PCDHGA2: variants seen among roughly 807,000 people sequenced by gnomAD.
PCDHGA2 encodes the protein protocadherin gamma subfamily A, 2.
A neutral mutation model predicts 59.2 loss-of-function variants in PCDHGA2; 40 were observed. The ratio of observed to expected loss-of-function variants is 0.68; its 90% confidence interval spans 0.52 to 0.88. PCDHGA2 has a LOEUF of 0.88. PCDHGA2 is among the 40% of genes least tolerant of loss of function. PCDHGA2 has a pLI of 0.00. For synonymous variants in PCDHGA2, 560 were observed against 526.0 expected, an observed-to-expected ratio of 1.06 and a Z score of -0.89; for missense variants, 1,226 against 1,204.0, an observed-to-expected ratio of 1.02 and a Z score of -0.27.
chr5:141,389,694 T>C, intron 1 of PCDHGA2: 1 of 1,612,590 alleles, frequency 6.2e-7, no homozygotes, highest in South Asian at 1.1e-5. Flanking sequence ...CTGGCTGTCC[T>C]ACCACGTGCT....
intron 1 of PCDHGA2, among the ~76,000 whole-genome samples, chr5:141,450,166 T>TCCCACCACACC (rs1046248061): frequency 2.0e-5 from 3 of 151,062 alleles, no homozygotes; most frequent in African/African-American, 7.3e-5. Flanking sequence ...GCCACCACAC[T>TCCCACCACACC]CCCACCACAC....
At chr5:141,394,288 C>T in intron 1 of PCDHGA2, 1 of 1,613,944 alleles carries the variant, frequency 6.2e-7, no homozygotes, top group Non-Finnish European at 8.5e-7. Flanking sequence ...TACTCTGTGA[C>T]CGAGGACACG....
rs754329108 is a variant in PCDHGA2 at position 141,408,309 on chromosome 5, C to T, written c.2424+66914C>T. 1.8e-5 allele frequency: 29 copies of T among 1,613,698 alleles called. No individual in the cohort carries two copies. The highest frequency in any genetic ancestry group is 2.0e-5 in the Non-Finnish European group (24 of 1,179,730). On this transcript the variant is annotated intron_variant, in intron 1 of 3. Transcript: ENST00000394576. ...ACCCTGAGTGAGCCGATCCGCTACT[C>T]GATTCCGGAGGAGCTGGCCAAGGGC...
At chr5:141,500,509 G>A (rs1048476645) in intron 2 of PCDHGA2, among the ~76,000 whole-genome samples, 19 of 152,100 alleles carry the variant, frequency 1.2e-4, no homozygotes, top group South Asian at 4.2e-4. Context: ...GCGCCTGGCC[G>A]AGCTTCATTT....
intron 1 of PCDHGA2, chr5:141,376,684 T>TTTTTGTTTTTG: frequency 2.5e-6 from 2 of 809,290 alleles, no homozygotes; most frequent in African/African-American, 1.9e-5. Flanking sequence ...TCGTTTTTTT[T>TTTTTGTTTTTG]TTTTTTTTTT....
intron 1 of PCDHGA2, among the ~76,000 whole-genome samples, chr5:141,466,614 G>A (rs75804312): frequency 1.4e-3 from 218 of 152,142 alleles, no homozygotes; most frequent in Middle Eastern, 6.8e-3. Context: ...GTAAACTGCC[G>A]TTTTCTTTGG....
chr5:141,383,147 G>C, intron 1 of PCDHGA2: 1 of 1,614,150 alleles, frequency 6.2e-7, no homozygotes, highest in South Asian at 1.1e-5. Flanking sequence ...CGCAGCGGCA[G>C]CTTGGTCACT....
In PCDHGA2 at chr5:141,357,450, G is replaced by C. The variant is rs541013509; in HGVS notation, c.2424+16055G>C. ...GCGTGGACGGGGTTCGGGCTTTCCT[G>C]CAGACCTATTCCCACGAGGTCTCCC... is the stretch of plus-strand genomic sequence containing the variant. On this transcript the variant is annotated intron_variant, in intron 1 of 3. Coordinates refer to ENST00000394576, the MANE Select transcript of PCDHGA2 (RefSeq NM_018915.4). The C allele has an allele frequency of 2.5e-6, 4 of 1,614,196 alleles. No homozygotes were observed. In the South Asian group the frequency reaches 4.4e-5, roughly 18 times the overall value.
At chr5:141,374,404 C>T (rs1383124731) in intron 1 of PCDHGA2, 2 of 1,613,916 alleles carry the variant, frequency 1.2e-6, no homozygotes, top group South Asian at 1.1e-5. Context: ...TGAGTTTTAA[C>T]ATCCTTGTCG....
At chr5:141,395,506 G>A in intron 1 of PCDHGA2, 1 of 433,794 alleles carries the variant, frequency 2.3e-6, no homozygotes, top group East Asian at 4.4e-5. Flanking sequence ...CACTTAAGAA[G>A]TAGCTACCCG....
chr5:141,407,735 T>C (rs2094975330), intron 1 of PCDHGA2, among the ~76,000 whole-genome samples: 1 of 152,246 alleles, frequency 6.6e-6, no homozygotes, highest in Non-Finnish European at 1.5e-5. Context: ...GTTCACTATA[T>C]ATACTCCCTA....
chr5:141,388,889 C>A, intron 1 of PCDHGA2: 2 of 1,613,954 alleles, frequency 1.2e-6, no homozygotes, highest in Non-Finnish European at 1.7e-6. Flanking sequence ...AGGTAGAAGT[C>A]ATAGATGAAA....
In PCDHGA2 at chr5:141,394,544, G is replaced by A. The variant is rs759661980; in HGVS notation, c.2424+53149G>A. 2.5e-6 allele frequency: 4 copies of A among 1,614,054 alleles called. No individual in the cohort carries two copies. In the South Asian group the frequency reaches 3.3e-5, roughly 13 times the overall value. ...CAGACGGTTCCACTGGCGTGGAGCT[G>A]GCGCCCCGCTCCGCAGAGCGTGGCT... On this transcript the variant is annotated intron_variant, in intron 1 of 3. Coordinates refer to ENST00000394576, the MANE Select transcript of PCDHGA2 (RefSeq NM_018915.4).
intron 1 of PCDHGA2, chr5:141,428,599 A>G (rs1324155257): frequency 8.9e-6 from 2 of 223,902 alleles, no homozygotes; most frequent in Non-Finnish European, 1.8e-5. Context: ...AGCAAGCTTC[A>G]CTGAAGAGAA....
rs11575954 is a variant in PCDHGA2 at position 141,376,006 on chromosome 5, C to A, written c.2424+34611C>A. 8.7e-3 allele frequency: 14,039 copies of A among 1,613,452 alleles called. 99 individuals carry two copies. Among genetic ancestry groups the A allele is most frequent in the Middle Eastern group, 0.011 (63 of 5,814 alleles). ...TGGACAGAGACGCGCTCAAGCAGAGCCTAGTGGTGGCCGTCCAGGACCACG... is the reference window on the plus strand; with the variant it reads ...TGGACAGAGACGCGCTCAAGCAGAGACTAGTGGTGGCCGTCCAGGACCACG... On this transcript the variant is annotated intron_variant, in intron 1 of 3. Transcript: ENST00000394576.
intron 1 of PCDHGA2, among the ~76,000 whole-genome samples, chr5:141,437,156 G>A (rs2097864365): frequency 6.6e-6 from 1 of 152,172 alleles, no homozygotes. Flanking sequence ...TAACATATGT[G>A]TTGATTGTTT....
rs2099455203 is a variant in PCDHGA2 at position 141,478,427 on chromosome 5, C to T, written c.2425-16380C>T. The T allele has an allele frequency of 1.9e-6, 3 of 1,613,742 alleles. No individual in the cohort carries two copies. Among genetic ancestry groups the T allele is most frequent in the Non-Finnish European group, 2.5e-6 (3 of 1,180,014 alleles). On this transcript the variant is annotated intron_variant, in intron 1 of 3. Coordinates refer to ENST00000394576, the MANE Select transcript of PCDHGA2 (RefSeq NM_018915.4). ...CACCACGGACTCCCGCCGCAGCGAC[C>T]CGCTGCTGAAGAAACCTGGTGCAGC...
At chr5:141,424,016 T>G in intron 1 of PCDHGA2, 16 of 1,038,360 alleles carry the variant, frequency 1.5e-5, no homozygotes, top group Non-Finnish European at 1.3e-5. Context: ...AAATTAATGA[T>G]TCACAAACAC....
In PCDHGA2 at chr5:141,403,600, T is replaced by C. The variant is rs530169293; in HGVS notation, c.2424+62205T>C. 72 of 1,613,786 alleles carry C rather than the reference T, an allele frequency of 4.5e-5. 1 individual carries two copies. The East Asian group carries it at 1.6e-3, about 35-fold the overall frequency. On this transcript the variant is annotated intron_variant, in intron 1 of 3. Coordinates refer to ENST00000394576, the MANE Select transcript of PCDHGA2 (RefSeq NM_018915.4). ...ACCACCTGGTCCTCACGGCCTCGGATGGCGGCGAGCCGCGTCGCTCCAGCA... is the reference window on the plus strand; with the variant it reads ...ACCACCTGGTCCTCACGGCCTCGGACGGCGGCGAGCCGCGTCGCTCCAGCA...
Sources: gnomAD v4.1 joint callset for allele counts (sites outside exome capture counted in the v4.1 genomes callset) on GRCh38, gnomAD v4.1.1 for gene constraint, MANE v1.5 for transcripts, NCBI Gene and HGNC (gene_info 2026-07-23, HGNC 2026-07-21) for gene names.